L3MBTL4: variants seen among roughly 807,000 people sequenced by gnomAD.
L3MBTL4 encodes L3MBTL histone methyl-lysine binding protein 4.
A neutral mutation model predicts 84.5 loss-of-function variants in L3MBTL4; 70 were observed. The observed-to-expected ratio is 0.83, with a 90% confidence interval of 0.68 to 1.01. The LOEUF (loss-of-function observed/expected upper bound fraction) is 1.01, where lower values mean the gene tolerates loss of function less well. Ranked by LOEUF, L3MBTL4 falls within the 50% of genes least tolerant of loss-of-function variation. L3MBTL4 has a pLI of 0.00. For missense variants in L3MBTL4, 715 were observed against 754.8 expected, an observed-to-expected ratio of 0.95 and a Z score of 0.62; for synonymous variants, 274 against 259.8, an observed-to-expected ratio of 1.05 and a Z score of -0.52.
At chr18:6,270,712 A>C (rs2048829471) in intron 4 of L3MBTL4, among the ~76,000 whole-genome samples, 1 of 152,204 alleles carries the variant, frequency 6.6e-6, no homozygotes, top group African/African-American at 2.4e-5. Context: ...GAGTCTGGGA[A>C]GGGTTCAGCA....
chr18:6,276,666 A>C (rs1421415795), intron 4 of L3MBTL4, among the ~76,000 whole-genome samples: 2 of 152,078 alleles, frequency 1.3e-5, no homozygotes, highest in Non-Finnish European at 2.9e-5. Flanking sequence ...AAAAAAAAAA[A>C]AAAACCCTAC....
intron 1 of L3MBTL4, among the ~76,000 whole-genome samples, chr18:6,354,222 A>G (rs1446586841): frequency 1.3e-5 from 2 of 152,184 alleles, no homozygotes; most frequent in African/African-American, 4.8e-5. Context: ...GGAAAAGTGG[A>G]TATCCATATG....
At chr18:6,197,359 C>G (rs997317775) in intron 12 of L3MBTL4, among the ~76,000 whole-genome samples, 1 of 152,180 alleles carries the variant, frequency 6.6e-6, no homozygotes, top group African/African-American at 2.4e-5. Flanking sequence ...TGAGAACACG[C>G]AGTGTTTGGT....
At chr18:6,377,584 G>A (rs1441967498) in intron 1 of L3MBTL4, among the ~76,000 whole-genome samples, 1 of 152,046 alleles carries the variant, frequency 6.6e-6, no homozygotes, top group Non-Finnish European at 1.5e-5. Flanking sequence ...TTGGTTTTCT[G>A]TTCCTGTGTT....
intron 16 of L3MBTL4, among the ~76,000 whole-genome samples, chr18:6,068,534 G>A (rs1356845578): frequency 2.6e-5 from 4 of 152,176 alleles, no homozygotes; most frequent in African/African-American, 9.7e-5. Context: ...CTTTGCATCT[G>A]TAGGAATGTT....
intron 1 of L3MBTL4, among the ~76,000 whole-genome samples, chr18:6,355,793 A>C (rs1235029524): frequency 1.3e-5 from 2 of 152,050 alleles, no homozygotes; most frequent in East Asian, 3.9e-4. Context: ...GATAAACTTT[A>C]GCACCCTCAT....
chr18:6,112,394 G>A (rs1271057601), intron 14 of L3MBTL4, among the ~76,000 whole-genome samples: 1 of 152,222 alleles, frequency 6.6e-6, no homozygotes, highest in African/African-American at 2.4e-5. Context: ...CACACTGACT[G>A]ACTGGGAAAG....
At chr18:6,170,369 G>C (rs1274105907) in intron 13 of L3MBTL4, among the ~76,000 whole-genome samples, 1 of 152,138 alleles carries the variant, frequency 6.6e-6, no homozygotes, top group East Asian at 1.9e-4. Flanking sequence ...CAAAGCATTG[G>C]GGGTCAAAGA....
chr18:5,974,972 T>G (rs2052834472), intron 16 of L3MBTL4, among the ~76,000 whole-genome samples: 1 of 143,436 alleles, frequency 7.0e-6, no homozygotes, highest in Non-Finnish European at 1.5e-5. Context: ...TATTGTTTTG[T>G]TTTTTTTTTT....
chr18:6,215,730 T>C lies in L3MBTL4; in HGVS notation c.870+20A>G. The C allele has an allele frequency of 6.8e-7, 1 of 1,467,408 alleles. No individual in the cohort carries two copies. Among genetic ancestry groups the C allele is most frequent in the Non-Finnish European group, 9.4e-7 (1 of 1,067,844 alleles). The allele number at this position is 1,467,408 out of a possible 1,614,324, so 90.9% of individuals were successfully genotyped here. A position where few individuals can be genotyped will look rare whatever the true frequency, so the allele number is the denominator to read the frequency against. ...CAAACGTTGTTTAAAGGTGAGAGTT[T>C]GTACCCACATAGAACTTACCATTTT... On this transcript the variant is annotated intron_variant, in intron 11 of 18. Coordinates refer to ENST00000317931, the MANE Select transcript of L3MBTL4 (RefSeq NM_001330559.2).
intron 1 of L3MBTL4, among the ~76,000 whole-genome samples, chr18:6,404,799 GCCTTAA>G (rs2055655853): frequency 6.6e-6 from 1 of 151,870 alleles, no homozygotes; most frequent in Non-Finnish European, 1.5e-5. Context: ...GGATCCTTCT[GCCTTAA>G]CCTCCACGTA....
At position 6,362,441 on chromosome 18, in the gene L3MBTL4, T is replaced by G. The variant is rs1005894058; in HGVS notation, c.-90-50385A>C. Among the ~76,000 whole-genome samples, 4 of 152,214 alleles carry G rather than the reference T, an allele frequency of 2.6e-5. No homozygotes were observed. The East Asian group carries it at 7.7e-4, about 29-fold the overall frequency. ...TCTGCTCAGCAGCCCTCTCTCCTTC[T>G]GCTAACAGAGCCCCTCTCTGCTGGA... On this transcript the variant is annotated intron_variant, in intron 1 of 18. Transcript: ENST00000317931.
intron 4 of L3MBTL4, among the ~76,000 whole-genome samples, chr18:6,296,984 G>A (rs928672553): frequency 6.6e-6 from 1 of 152,090 alleles, no homozygotes; most frequent in African/African-American, 2.4e-5. Flanking sequence ...GAACACTGGG[G>A]AACAAAAGTG....
At chr18:6,391,362 C>G (rs529173534) in intron 1 of L3MBTL4, among the ~76,000 whole-genome samples, 1 of 152,092 alleles carries the variant, frequency 6.6e-6, no homozygotes, top group African/African-American at 2.4e-5. Flanking sequence ...ATATGGAAAA[C>G]CCACAGGCAA....
At chr18:6,077,018 A>T (rs531937032) in intron 16 of L3MBTL4, among the ~76,000 whole-genome samples, 7 of 152,222 alleles carry the variant, frequency 4.6e-5, no homozygotes, top group Admixed American at 3.9e-4. Flanking sequence ...CACCTCCCTC[A>T]GCTTGTGCTC....
intron 16 of L3MBTL4, among the ~76,000 whole-genome samples, chr18:6,035,341 G>A (rs1293708183): frequency 6.6e-6 from 1 of 152,166 alleles, no homozygotes; most frequent in African/African-American, 2.4e-5. Flanking sequence ...TGTAAGGAAG[G>A]GATCCAGTTT....
intron 13 of L3MBTL4, among the ~76,000 whole-genome samples, chr18:6,170,657 T>C (rs192059299): frequency 1.4e-4 from 22 of 152,118 alleles, no homozygotes; most frequent in African/African-American, 5.1e-4. Context: ...GTATCTGCAA[T>C]GCTGGTCCAC....
chr18:6,160,890 C>T (rs1348085164), intron 13 of L3MBTL4, among the ~76,000 whole-genome samples: 1 of 152,104 alleles, frequency 6.6e-6, no homozygotes, highest in Non-Finnish European at 1.5e-5. Flanking sequence ...AGTAGGTAAT[C>T]TGTGTGTGAA....
At chr18:6,196,206 G>A (rs903209690) in intron 12 of L3MBTL4, among the ~76,000 whole-genome samples, 4 of 138,012 alleles carry the variant, frequency 2.9e-5, no homozygotes, top group Non-Finnish European at 6.0e-5. Context: ...TGCCCAGGCT[G>A]TACTGCAGTG....
Sources: allele counts gnomAD v4.1 joint callset (sites outside exome capture counted in the v4.1 genomes callset), GRCh38; gene constraint gnomAD v4.1.1; transcripts MANE v1.5; gene names NCBI Gene and HGNC (gene_info 2026-07-23, HGNC 2026-07-21).